Variants in PTPRM observed in about 807,000 individuals in gnomAD.
The protein encoded by PTPRM is protein tyrosine phosphatase receptor type M.
Under a neutral mutation model 186.7 loss-of-function variants are expected in PTPRM, and 47 were observed. That is an observed-to-expected ratio of 0.25 (90% CI 0.20 to 0.32). The LOEUF (loss-of-function observed/expected upper bound fraction) is 0.32, where lower values mean the gene tolerates loss of function less well. PTPRM is among the 10% of genes least tolerant of loss of function. The probability of loss-of-function intolerance (pLI) is 1.00; values close to 1 mark genes in which losing one functional copy is unlikely to be tolerated. For synonymous variants in PTPRM, 668 were observed against 674.9 expected, an observed-to-expected ratio of 0.99 and a Z score of 0.16; for missense variants, 1,494 against 1,865.0, an observed-to-expected ratio of 0.80 and a Z score of 3.66.
intron 1 of PTPRM, chr18:7,749,000 A>AT (rs1343163475): frequency 6.6e-6 from 1 of 152,228 alleles, no homozygotes; most frequent in African/African-American, 2.4e-5. Context: ...CTTGATTACA[A>AT]TTTAAATGGT....
intron 7 of PTPRM, among the ~76,000 whole-genome samples, chr18:8,037,295 C>CT (rs1255381053): frequency 6.6e-6 from 1 of 152,130 alleles, no homozygotes; most frequent in Non-Finnish European, 1.5e-5. Context: ...AAATAAATTT[C>CT]TTATATCTTT....
intron 19 of PTPRM, among the ~76,000 whole-genome samples, chr18:8,289,551 C>CATATATATACATATATATATACACACAT (rs2095010624): frequency 6.4e-5 from 5 of 77,696 alleles, no homozygotes; most frequent in Non-Finnish European, 9.1e-5. Context: ...TATATATATA[C>CATATATATACATATATATATACACACAT]ATATATATAC....
chr18:8,108,940 A>T (rs759380522), intron 11 of PTPRM, among the ~76,000 whole-genome samples: 3 of 152,214 alleles, frequency 2.0e-5, no homozygotes, highest in Non-Finnish European at 4.4e-5. Flanking sequence ...TGGGCAACTC[A>T]TTAAAAGGAT....
intron 4 of PTPRM, among the ~76,000 whole-genome samples, chr18:7,913,311 A>G (rs771087851): frequency 2.1e-4 from 32 of 151,238 alleles, no homozygotes; most frequent in Admixed American, 2.0e-3. Flanking sequence ...TCTTTTTCCA[A>G]CCCAGGTGAA....
At chr18:7,946,437 A>G (rs964797086) in intron 5 of PTPRM, among the ~76,000 whole-genome samples, 8 of 152,200 alleles carry the variant, frequency 5.3e-5, no homozygotes, top group Admixed American at 3.9e-4. Flanking sequence ...TTATGGCTTA[A>G]TTTCTTTTCC....
At chr18:8,289,792 A>C (rs1427727510) in intron 19 of PTPRM, among the ~76,000 whole-genome samples, 1 of 151,954 alleles carries the variant, frequency 6.6e-6, no homozygotes, top group Non-Finnish European at 1.5e-5. Flanking sequence ...ACGTTGGATT[A>C]AGTTGCAATA....
chr18:7,706,628 A>AAAAAAAAAAAAC (rs2040099461), intron 1 of PTPRM, among the ~76,000 whole-genome samples: 1 of 149,532 alleles, frequency 6.7e-6, no homozygotes, highest in Non-Finnish European at 1.5e-5. Context: ...AAAAAAAAAA[A>AAAAAAAAAAAAC]AACAACAAAA....
At chr18:7,951,571 G>C (rs1568064340) in intron 6 of PTPRM, among the ~76,000 whole-genome samples, 1 of 152,022 alleles carries the variant, frequency 6.6e-6, no homozygotes, top group African/African-American at 2.4e-5. Flanking sequence ...CTGTCTTATG[G>C]CAGTGTAGTA....
At chr18:7,593,174 G>T (rs1359817411) in intron 1 of PTPRM, among the ~76,000 whole-genome samples, 1 of 152,068 alleles carries the variant, frequency 6.6e-6, no homozygotes, top group African/African-American at 2.4e-5. Flanking sequence ...CCCTTAATTG[G>T]TTGAGTATTA....
At chr18:8,002,082 A>G (rs992348099) in intron 7 of PTPRM, among the ~76,000 whole-genome samples, 1 of 152,182 alleles carries the variant, frequency 6.6e-6, no homozygotes, top group African/African-American at 2.4e-5. Context: ...ATCATAGAAA[A>G]ATTGCCGGTA....
intron 11 of PTPRM, among the ~76,000 whole-genome samples, chr18:8,113,114 A>G (rs1311563393): frequency 2.0e-5 from 3 of 152,260 alleles, no homozygotes; most frequent in Non-Finnish European, 2.9e-5. Flanking sequence ...GGTATAATTT[A>G]ATTGTATTTA....
Position 8,069,893 on chromosome 18 carries a change from C to T in PTPRM, c.1340C>T (p.Thr447Ile), listed in dbSNP as rs1309057744. ...TENSHPQHTI[T>I]NLSPYTNVSV... The stretch of plus-strand genomic sequence containing the variant: ...AACTCACACCCTCAACACACGATCA[C>T]TAACCTGTCACCATACACCAATGTC... Residue 447 changes from threonine (T) to isoleucine (I), a missense_variant, in exon 8 of 33, where the codon ACT becomes ATT. Thr to Ile is a moderately conservative substitution (Grantham distance 89, BLOSUM62 -1). Coordinates refer to ENST00000580170, the MANE Select transcript of PTPRM (RefSeq NM_001105244.2). 1 of 1,613,902 alleles carries T rather than the reference C, an allele frequency of 6.2e-7. No homozygotes were observed. The highest frequency in any genetic ancestry group is 8.5e-7 in the Non-Finnish European group (1 of 1,179,838).
intron 14 of PTPRM, among the ~76,000 whole-genome samples, chr18:8,174,218 C>G (rs2093448689): frequency 6.6e-6 from 1 of 152,168 alleles, no homozygotes; most frequent in African/African-American, 2.4e-5. Flanking sequence ...TCCCCCTAAC[C>G]TGGTGGTCTT....
At chr18:8,033,635 G>C (rs1378084526) in intron 7 of PTPRM, among the ~76,000 whole-genome samples, 1 of 152,160 alleles carries the variant, frequency 6.6e-6, no homozygotes, top group African/African-American at 2.4e-5. Flanking sequence ...GTAATCTTAT[G>C]GGACCACTGT....
rs57751538 is a variant in PTPRM at position 8,126,027 on chromosome 18, A to ATATATATTTTTTTTT, written c.2167+11201_2167+11202insATATATTTTTTTTTT. 8.9e-4 allele frequency among the ~76,000 whole-genome samples: 62 copies of ATATATATTTTTTTTT among 69,496 alleles called. 1 individual carries two copies. The highest frequency in any genetic ancestry group is 1.0e-3 in the Non-Finnish European group (37 of 35,292). The allele number at this position is 69,496 out of a possible 152,430, so 45.6% of individuals were successfully genotyped here. A position where few individuals can be genotyped will look rare whatever the true frequency, so the allele number is the denominator to read the frequency against. On this transcript the variant is annotated intron_variant, in intron 13 of 32. Transcript: ENST00000580170. ...TATATATATATATATATATATATAT[A>ATATATATTTTTTTTT]TTTTAAATCAGTAGACCTTTCCATT...
At chr18:8,306,363 G>C (rs1327684776) in intron 20 of PTPRM, among the ~76,000 whole-genome samples, 1 of 152,206 alleles carries the variant, frequency 6.6e-6, no homozygotes, top group Non-Finnish European at 1.5e-5. Context: ...ATGCATGTGA[G>C]TTGTAGAGCC....
intron 14 of PTPRM, among the ~76,000 whole-genome samples, chr18:8,215,592 G>T (rs2094072230): frequency 6.8e-6 from 1 of 146,488 alleles, no homozygotes; most frequent in Admixed American, 6.9e-5. Flanking sequence ...GCCCAGGCCG[G>T]AGTGCAGTGG....
chr18:7,660,721 G>C (rs1407555545), intron 1 of PTPRM, among the ~76,000 whole-genome samples: 3 of 152,160 alleles, frequency 2.0e-5, no homozygotes, highest in African/African-American at 7.2e-5. Flanking sequence ...ACAGTGTGCT[G>C]GTTTAGCGTG....
At chr18:8,125,717 T>C (rs2092316857) in intron 13 of PTPRM, among the ~76,000 whole-genome samples, 1 of 151,828 alleles carries the variant, frequency 6.6e-6, no homozygotes, top group African/African-American at 2.4e-5. Flanking sequence ...AATCCTACTC[T>C]AAAGAGTACA....
Sources: allele counts gnomAD v4.1 joint callset (sites outside exome capture counted in the v4.1 genomes callset), GRCh38; gene constraint gnomAD v4.1.1; transcripts MANE v1.5; gene names NCBI Gene and HGNC (gene_info 2026-07-23, HGNC 2026-07-21).